The following PTPRD variants were observed in gnomAD, a reference collection of about 807,000 sequenced individuals.
PTPRD encodes protein tyrosine phosphatase receptor type D.
In PTPRD, 34 loss-of-function variants were observed where a neutral mutation model predicts 214.5. The ratio of observed to expected loss-of-function variants is 0.16; its 90% CI spans 0.12 to 0.21. The LOEUF (loss-of-function observed/expected upper bound fraction) is 0.21, where lower values mean the gene tolerates loss of function less well. Ranked by LOEUF, PTPRD falls within the 10% of genes least tolerant of loss-of-function variation. The probability of loss-of-function intolerance (pLI) is 1.00; values close to 1 mark genes in which losing one functional copy is unlikely to be tolerated. For synonymous variants in PTPRD, 1,128 were observed against 845.7 expected (o/e 1.33, Z -5.79); for missense variants, 2,545 against 2,398.7 (o/e 1.06, Z -1.27).
chr9:9,984,480 T>C (rs1482727891), intron 4 of PTPRD, among the ~76,000 whole-genome samples: 2 of 152,114 alleles, frequency 1.3e-5, no homozygotes, highest in Non-Finnish European at 2.9e-5. Context: ...TCTGTAGTCA[T>C]GAGGCAAGTA....
chr9:10,062,978 C>T (rs1450922449), intron 3 of PTPRD, among the ~76,000 whole-genome samples: 2 of 152,050 alleles, frequency 1.3e-5, no homozygotes, highest in East Asian at 1.9e-4. Context: ...CATTTTATTG[C>T]CCTAAGAATT....
chr9:10,400,099 G>A (rs984908440), intron 2 of PTPRD, among the ~76,000 whole-genome samples: 2 of 151,814 alleles, frequency 1.3e-5, no homozygotes, highest in Non-Finnish European at 2.9e-5. Flanking sequence ...TTAAGCATGT[G>A]TTCACAGAAG....
intron 2 of PTPRD, among the ~76,000 whole-genome samples, chr9:10,605,512 G>A (rs1002194444): frequency 2.0e-5 from 3 of 151,754 alleles, no homozygotes; most frequent in African/African-American, 7.3e-5. Flanking sequence ...AGATGATGAA[G>A]GGTGCCAAGA....
chr9:10,461,766 G>T (rs1276203067), intron 2 of PTPRD, among the ~76,000 whole-genome samples: 1 of 151,994 alleles, frequency 6.6e-6, no homozygotes, highest in African/African-American at 2.4e-5. Context: ...GGGATTACAG[G>T]CGTGAGCCTC....
chr9:9,053,568 C>G (rs78130828), intron 10 of PTPRD, among the ~76,000 whole-genome samples: 1 of 152,096 alleles, frequency 6.6e-6, no homozygotes, highest in Non-Finnish European at 1.5e-5. Context: ...ATAGAGCCTT[C>G]AGAGAGCACA....
intron 35 of PTPRD, among the ~76,000 whole-genome samples, chr9:8,419,047 C>A (rs544382848): frequency 1.3e-5 from 2 of 151,624 alleles, no homozygotes; most frequent in Admixed American, 1.3e-4. Context: ...AGTGAGACAT[C>A]GTTTCTAAAA....
chr9:10,216,046 T>A (rs1485660297), intron 3 of PTPRD, among the ~76,000 whole-genome samples: 1 of 151,958 alleles, frequency 6.6e-6, no homozygotes, highest in East Asian at 1.9e-4. Context: ...TTAGGAAAAA[T>A]TTTAAAATAT....
At chr9:8,920,233 TG>T (rs1189533593) in intron 11 of PTPRD, among the ~76,000 whole-genome samples, 3 of 151,702 alleles carry the variant, frequency 2.0e-5, no homozygotes, top group Admixed American at 6.6e-5. Flanking sequence ...CCTAGCTACT[TG>T]GGGGGCTGAG....
intron 8 of PTPRD, among the ~76,000 whole-genome samples, chr9:9,443,328 T>C (rs2089006017): frequency 6.6e-6 from 1 of 152,232 alleles, no homozygotes; most frequent in Non-Finnish European, 1.5e-5. Flanking sequence ...TTGTGACATG[T>C]ATACTATTAT....
intron 3 of PTPRD, among the ~76,000 whole-genome samples, chr9:10,282,805 G>A (rs1347118325): frequency 1.3e-5 from 2 of 152,084 alleles, no homozygotes; most frequent in Admixed American, 6.5e-5. Context: ...TGTAAGAGAA[G>A]TTAAGATCAG....
intron 5 of PTPRD, among the ~76,000 whole-genome samples, chr9:9,830,205 T>C (rs1182248096): frequency 1.3e-5 from 2 of 151,802 alleles, no homozygotes; most frequent in South Asian, 2.1e-4. Flanking sequence ...ATTAATCAAA[T>C]ATTTTTAAAA....
rs2098288840 is a variant in PTPRD at position 10,084,120 on chromosome 9, A to G, written c.-544-50330T>C. On this transcript the variant is annotated intron_variant, in intron 3 of 45. Coordinates refer to ENST00000381196, the MANE Select transcript of PTPRD (RefSeq NM_002839.4). ...AACTATCTCCTAGGTTATAAGTACT[A>G]AGTGACATAAGTTAAAATAGTAATA... Among the ~76,000 whole-genome samples, 4 of 152,020 alleles carry G rather than the reference A, an allele frequency of 2.6e-5. No individual in the cohort carries two copies. In the South Asian group the frequency reaches 8.3e-4, roughly 31 times the overall value.
chr9:10,515,101 A>G (rs543746945), intron 2 of PTPRD, among the ~76,000 whole-genome samples: 125 of 152,020 alleles, frequency 8.2e-4, no homozygotes, highest in Non-Finnish European at 1.4e-3. Context: ...TCCCACCCAC[A>G]ATTTCTCAAT....
At chr9:9,926,785 C>A (rs567711055) in intron 5 of PTPRD, among the ~76,000 whole-genome samples, 1 of 152,044 alleles carries the variant, frequency 6.6e-6, no homozygotes, top group Non-Finnish European at 1.5e-5. Context: ...TATAGTTTAC[C>A]CATGAGCATT....
chr9:9,676,671 T>A (rs546411251), intron 7 of PTPRD, among the ~76,000 whole-genome samples: 1 of 152,278 alleles, frequency 6.6e-6, no homozygotes, highest in Admixed American at 6.5e-5. Flanking sequence ...CAAATGGTAT[T>A]TCTAGTTCTA....
intron 2 of PTPRD, among the ~76,000 whole-genome samples, chr9:10,536,672 G>A (rs2757869): frequency 0.94 from 142,668 of 152,110 alleles, 67,120 homozygotes; most frequent in Non-Finnish European, 0.98. Flanking sequence ...AGCACTTCCT[G>A]TTCCTGGTTA....
At chr9:8,846,158 T>C (rs1307351701) in intron 11 of PTPRD, among the ~76,000 whole-genome samples, 2 of 152,122 alleles carry the variant, frequency 1.3e-5, no homozygotes, top group Middle Eastern at 3.2e-3. Context: ...ACTAGGTAAA[T>C]GAAACTTCAC....
chr9:10,061,062 AG>A (rs1177109799), intron 3 of PTPRD, among the ~76,000 whole-genome samples: 4 of 151,340 alleles, frequency 2.6e-5, no homozygotes, highest in African/African-American at 9.7e-5. Context: ...AGAATACAAA[AG>A]AAAAACAATG....
Position 8,317,107 on chromosome 9 carries a change from A to AAATT in PTPRD, c.*763_*766dup, listed in dbSNP as rs534343750. ...TCTCACCAATCAAAACTGAAGTGTAAAATTAATATATCTGACGAGACTGAT... is the reference window on the plus strand; with the variant it reads ...TCTCACCAATCAAAACTGAAGTGTAAAATTAATTAATATATCTGACGAGACTGAT... On this transcript the variant is annotated 3_prime_UTR_variant, in exon 46 of 46. Coordinates refer to ENST00000381196, the MANE Select transcript of PTPRD (RefSeq NM_002839.4). The AAATT allele has an allele frequency of 1.1e-4, 25 of 226,918 alleles. No individual in the cohort carries two copies. The East Asian group carries it at 1.2e-3, about 11-fold the overall frequency. 14.1% of individuals were successfully genotyped at this position (226,918 alleles called of 1,614,324 possible).
Sources: gnomAD v4.1 joint callset for allele counts (sites outside exome capture counted in the v4.1 genomes callset) on GRCh38, gnomAD v4.1.1 for gene constraint, MANE v1.5 for transcripts, NCBI Gene and HGNC (gene_info 2026-07-23, HGNC 2026-07-21) for gene names.